Variants in DNAAF3 observed in about 807,000 individuals in gnomAD.
DNAAF3 encodes dynein axonemal assembly factor 3.
DNAAF3 carries 40 observed loss-of-function variants against 50.9 expected under a neutral mutation model. That is an observed-to-expected ratio of 0.79 (90% CI 0.61 to 1.02). The LOEUF is 1.02. Among genes scored for constraint, DNAAF3 ranks in the 50% least tolerant of loss-of-function variants. The pLI is 0.00. For missense variants in DNAAF3, 763 were observed against 744.7 expected (o/e 1.02, Z -0.29); for synonymous variants, 327 against 322.8 (o/e 1.01, Z -0.14).
In DNAAF3 at chr19:55,161,567, G is replaced by A; in HGVS notation, c.663+76C>T. On this transcript the variant is annotated intron_variant, in intron 6 of 11. Coordinates refer to ENST00000524407, the MANE Select transcript of DNAAF3 (RefSeq NM_001256715.2). This position sits in a 1 kb window ranked among gnomAD's most constrained non-coding sequence, Gnocchi z 6.4. Reference sequence around the variant, plus strand: ...CAGGCCCCCAAACCCTCCTCCCTCAGACTCAGGAGGCCCCCAGCCCCTCCT... The same window carrying A: ...CAGGCCCCCAAACCCTCCTCCCTCAAACTCAGGAGGCCCCCAGCCCCTCCT... 6.8e-7 allele frequency: 1 copy of A among 1,470,896 alleles called. No homozygotes were observed. Among genetic ancestry groups the A allele is most frequent in the South Asian group, 1.3e-5 (1 of 74,462 alleles). The allele number at this position is 1,470,896 out of a possible 1,614,324, so 91.1% of individuals were successfully genotyped here. A position where few individuals can be genotyped will look rare whatever the true frequency, so the allele number is the denominator to read the frequency against.
intron 4 of DNAAF3, chr19:55,162,571 G>T: frequency 1.0e-6 from 1 of 959,354 alleles, no homozygotes; most frequent in Non-Finnish European, 1.3e-6. Context: ...GGGCAACAGA[G>T]TGAGACTCCG....
chr19:55,165,786 G>A, intron 3 of DNAAF3, 72 bp downstream of exon 3: 1 of 1,561,104 alleles, frequency 6.4e-7, no homozygotes, highest in Non-Finnish European at 8.7e-7. Flanking sequence ...CTGGACCTGA[G>A]GTTTTAGAAT....
In DNAAF3 at chr19:55,166,539, T is replaced by A. The variant is rs769225865; in HGVS notation, c.-21A>T. The A allele has an allele frequency of 3.0e-5, 49 of 1,613,868 alleles. No individual in the cohort carries two copies. Among genetic ancestry groups the A allele is most frequent in the Non-Finnish European group, 3.9e-5 (46 of 1,180,004 alleles). ...TGCCCACACCTTTATCCTCCAAATA[T>A]CCCGGGACGCCCCTTCCTCTCTGCT... is the stretch of plus-strand genomic sequence containing the variant. On this transcript the variant is annotated 5_prime_UTR_variant, in exon 1 of 12. Coordinates refer to ENST00000524407, the MANE Select transcript of DNAAF3 (RefSeq NM_001256715.2). The surrounding 1 kb of genome is among the most constrained non-coding windows in gnomAD (Gnocchi z 4.0).
At chr19:55,164,136 C>T (rs2085894222) in intron 4 of DNAAF3, among the ~76,000 whole-genome samples, 1 of 152,138 alleles carries the variant, frequency 6.6e-6, no homozygotes, top group Non-Finnish European at 1.5e-5. Context: ...TTCCTGAGGC[C>T]TTCCCAGCCA....
chr19:55,162,749 T>C (rs183928599), intron 4 of DNAAF3: 2 of 900,292 alleles, frequency 2.2e-6, no homozygotes, highest in African/African-American at 1.8e-5. Context: ...TTACATATTA[T>C]AGGTAATCTA....
At position 55,165,474 on chromosome 19, in the gene DNAAF3, G is replaced by A. The variant is rs752396193; in HGVS notation, c.229-11C>T. 4 of 1,613,620 alleles carry A rather than the reference G, an allele frequency of 2.5e-6. No individual in the cohort carries two copies. In the South Asian group the frequency reaches 4.4e-5, roughly 18 times the overall value. On this transcript the variant is annotated splice_polypyrimidine_tract_variant and intron_variant, in intron 3 of 11. Coordinates refer to ENST00000524407, the MANE Select transcript of DNAAF3 (RefSeq NM_001256715.2). The stretch of plus-strand genomic sequence containing the variant: ...CTCCAGCACAAAGAACTAGAAGGAT[G>A]GACAGGGCAGAATAATTCTGAGACC...
chr19:55,159,767 AGG>A, intron 10 of DNAAF3, 130 bp downstream of exon 10: 1 of 963,426 alleles, frequency 1.0e-6, no homozygotes, highest in South Asian at 3.0e-5. Flanking sequence ...GGTCTGAGGG[AGG>A]AGGGGCTGGG....
chr19:55,164,512 G>C (rs564365900), intron 4 of DNAAF3, among the ~76,000 whole-genome samples: 1 of 150,378 alleles, frequency 6.6e-6, no homozygotes, highest in African/African-American at 2.5e-5. Context: ...AAACAAACCT[G>C]TTTTCTTTTT....
At chr19:55,162,033 C>G (rs2085846004) in intron 5 of DNAAF3, 100 bp downstream of exon 5, 2 of 1,334,476 alleles carry the variant, frequency 1.5e-6, no homozygotes, top group Admixed American at 7.2e-5. Flanking sequence ...ATTCGAACCC[C>G]CTAGCCCGCC....
chr19:55,163,803 TCTAA>T lies in DNAAF3; in HGVS notation c.323-1517_323-1514del, dbSNP rs553091051. On this transcript the variant is annotated intron_variant, in intron 4 of 11. Coordinates refer to ENST00000524407, the MANE Select transcript of DNAAF3 (RefSeq NM_001256715.2). ...CTTTAGTAAAATAGATCAGTTTAGTTCTAACTGTTTAAGAACTTTGAACAATCTG... is the reference window on the plus strand; with the variant it reads ...CTTTAGTAAAATAGATCAGTTTAGTTCTGTTTAAGAACTTTGAACAATCTG... Among the ~76,000 whole-genome samples, 255 of 152,280 alleles carry T rather than the reference TCTAA, an allele frequency of 1.7e-3. 1 individual carries two copies. Among genetic ancestry groups the T allele is most frequent in the African/African-American group, 5.7e-3 (236 of 41,544 alleles).
chr19:55,162,253 C>T lies in DNAAF3; in HGVS notation c.360G>A (p.Ala120=). Residue 120 remains alanine, a synonymous_variant, in exon 5 of 12, where the codon GCG becomes GCA. Transcript: ENST00000524407. Reference sequence around the variant, plus strand: ...AGGCGGCCACTGGCGGGCGCAGCAGCGCGTTCCCCCACACTTCCAGGAAGG... The same window carrying T: ...AGGCGGCCACTGGCGGGCGCAGCAGTGCGTTCCCCCACACTTCCAGGAAGG... ...SETFLEVWGN[A]LLRPPVAAFV... 9 of 1,249,630 alleles carry T rather than the reference C, an allele frequency of 7.2e-6. No individual in the cohort carries two copies. The highest frequency in any genetic ancestry group is 9.1e-6 in the Non-Finnish European group (9 of 989,416). 77.4% of individuals were successfully genotyped at this position (1,249,630 alleles called of 1,614,324 possible).
chr19:55,162,314 C>T, intron 4 of DNAAF3, 24 bp from the exon 5 acceptor site: 1 of 1,249,382 alleles, frequency 8.0e-7, no homozygotes, highest in Non-Finnish European at 1.0e-6. Flanking sequence ...GAGATAATTG[C>T]GGGAATGTGT....
intron 4 of DNAAF3, chr19:55,162,623 T>A: frequency 1.0e-6 from 1 of 993,458 alleles, no homozygotes; most frequent in Non-Finnish European, 1.2e-6. Flanking sequence ...GAAGAGGGAA[T>A]TAGAGTTGCA....
rs958882538 is a variant in DNAAF3 at position 55,162,390 on chromosome 19, A to G, written c.323-100T>C. On this transcript the variant is annotated intron_variant, in intron 4 of 11. Transcript: ENST00000524407. ...ATGTCATAGTCATCTAATGAAAACA[A>G]TGAACCCCCGCAAACTCCCCACGCA... The G allele has an allele frequency of 3.3e-6, 4 of 1,206,992 alleles. No homozygotes were observed. In the East Asian group the frequency reaches 1.3e-4, roughly 38 times the overall value. 74.8% of individuals were successfully genotyped at this position (1,206,992 alleles called of 1,614,324 possible).
rs80026905 is a variant in DNAAF3, at chr19:55,166,609, G to A, written c.-91C>T. The stretch of plus-strand genomic sequence containing the variant: ...CGCGGCACTCCACAACCGCTGCCCA[G>A]AGTCCCCGCCCTTTTCGAGGAATCA... On this transcript the variant is annotated 5_prime_UTR_variant, in exon 1 of 12. Coordinates refer to ENST00000524407, the MANE Select transcript of DNAAF3 (RefSeq NM_001256715.2). The surrounding 1 kb of genome is among the most constrained non-coding windows in gnomAD (Gnocchi z 4.0). 1.0e-3 allele frequency: 1,636 copies of A among 1,614,098 alleles called. 58 individuals are homozygous for A. In the East Asian group the frequency reaches 0.036, roughly 36 times the overall value.
rs1351530920 is a variant in DNAAF3 at position 55,160,785 on chromosome 19, GA to G, written c.913-11del. On this transcript the variant is annotated splice_polypyrimidine_tract_variant and intron_variant, in intron 8 of 11. Coordinates refer to ENST00000524407, the MANE Select transcript of DNAAF3 (RefSeq NM_001256715.2). This position sits in a 1 kb window ranked among gnomAD's most constrained non-coding sequence, Gnocchi z 4.7. ...TGATCTCCCCGGCCGTCTAACAGTA[GA>G]AGGGGCGTGGCCAGACGTCGGGGCC... 1.2e-6 allele frequency: 2 copies of G among 1,606,888 alleles called. No individual in the cohort carries two copies. Among genetic ancestry groups the G allele is most frequent in the Non-Finnish European group, 8.5e-7 (1 of 1,178,760 alleles).
chr19:55,165,374 C>G lies in DNAAF3; in HGVS notation c.318G>C (p.Leu106=). 6.2e-7 allele frequency: 1 copy of G among 1,614,126 alleles called. No homozygotes were observed. The highest frequency in any genetic ancestry group is 8.5e-7 in the Non-Finnish European group (1 of 1,179,976). ...GCCTGGGTCCTAGCAACAGACCTTGCAGCCCCATCTTCTCCGGTTCCTCCA... is the reference window on the plus strand; with the variant it reads ...GCCTGGGTCCTAGCAACAGACCTTGGAGCCCCATCTTCTCCGGTTCCTCCA... ...LALEEPEKMG[L]QERSETFLEV... The change falls in exon 4 of 12, where the codon CTG becomes CTC. Residue 106 remains leucine (L), a synonymous_variant. Transcript: ENST00000524407.
rs1290185873 is a variant in DNAAF3, at chr19:55,161,579, C to T, written c.663+64G>A. ...CCCTCCTCCCTCAGACTCAGGAGGC[C>T]CCCAGCCCCTCCTCCCTCAGACCCA... is the stretch of plus-strand genomic sequence containing the variant. On this transcript the variant is annotated intron_variant, in intron 6 of 11. Coordinates refer to ENST00000524407, the MANE Select transcript of DNAAF3 (RefSeq NM_001256715.2). This position sits in a 1 kb window ranked among gnomAD's most constrained non-coding sequence, Gnocchi z 6.4. The T allele has an allele frequency of 2.7e-6, 4 of 1,483,736 alleles. No individual in the cohort carries two copies. The highest frequency in any genetic ancestry group is 4.6e-5 in the Admixed American group (2 of 43,628). The allele number at this position is 1,483,736 out of a possible 1,614,324, so 91.9% of individuals were successfully genotyped here. A position where few individuals can be genotyped will look rare whatever the true frequency, so the allele number is the denominator to read the frequency against.
In DNAAF3 at chr19:55,161,391, G is replaced by T; in HGVS notation, c.691C>A (p.Arg231=). ...GAQVIHPQEF[R]RWRDTGVAFE... ...GCGACGCCTGTGTCCCGCCAGCGTC[G>T]GAACTCCTGGGGGTGAATGACTTGA... Residue 231 remains arginine (R), a synonymous_variant, in exon 7 of 12, where the codon CGA becomes AGA. Coordinates refer to ENST00000524407, the MANE Select transcript of DNAAF3 (RefSeq NM_001256715.2). The surrounding 1 kb of genome is among the most constrained non-coding windows in gnomAD (Gnocchi z 6.4). 6 of 1,435,664 alleles carry T rather than the reference G, an allele frequency of 4.2e-6. No homozygotes were observed. The highest frequency in any genetic ancestry group is 5.6e-6 in the Non-Finnish European group (6 of 1,068,322). The allele number at this position is 1,435,664 out of a possible 1,614,324, so 88.9% of individuals were successfully genotyped here.
Sources: gnomAD v4.1 joint callset for allele counts (sites outside exome capture counted in the v4.1 genomes callset) on GRCh38, gnomAD v4.1.1 for gene constraint, Gnocchi (gnomAD v3.1) non-coding constraint, MANE v1.5 for transcripts, NCBI Gene and HGNC (gene_info 2026-07-23, HGNC 2026-07-21) for gene names.